The following TNR variants were observed in gnomAD, a reference collection of about 807,000 sequenced individuals.
TNR encodes the protein tenascin-R.
A neutral mutation model predicts 150.4 loss-of-function variants in TNR; 45 were observed. That is an observed-to-expected ratio of 0.30 (90% CI 0.24 to 0.38). The LOEUF is 0.38. TNR is among the 10% of genes least tolerant of loss of function. TNR has a pLI of 1.00. For missense variants in TNR, 1,544 were observed against 1,759.1 expected (o/e 0.88, Z 2.19); for synonymous variants, 687 against 678.4 (o/e 1.01, Z -0.20).
At chr1:175,414,945 A>G (rs182249547) in intron 2 of TNR, among the ~76,000 whole-genome samples, 7 of 150,210 alleles carry the variant, frequency 4.7e-5, no homozygotes, top group Middle Eastern at 3.2e-3. Flanking sequence ...CTCAGGGCAA[A>G]AAAAAAAAAA....
chr1:175,344,720 T>G (rs1283732721), intron 18 of TNR, among the ~76,000 whole-genome samples: 9 of 152,158 alleles, frequency 5.9e-5, no homozygotes, highest in Admixed American at 5.2e-4. Context: ...GCTTAAAATC[T>G]CTAGAAAAAG....
chr1:175,517,272 G>A (rs1193096465), intron 2 of TNR, among the ~76,000 whole-genome samples: 1 of 152,188 alleles, frequency 6.6e-6, no homozygotes, highest in Non-Finnish European at 1.5e-5. Context: ...CTGTGGCTCA[G>A]TGCTGCCTAT....
chr1:175,335,574 G>A (rs1650198287), intron 20 of TNR, 137 bp downstream of exon 20: 2 of 775,548 alleles, frequency 2.6e-6, no homozygotes, highest in East Asian at 2.5e-5. Flanking sequence ...AGAGCAAGAG[G>A]TTCTGAAAGC....
At chr1:175,379,467 T>A (rs1416837001) in intron 9 of TNR, 85 bp downstream of exon 9, 10 of 1,295,586 alleles carry the variant, frequency 7.7e-6, no homozygotes, top group Non-Finnish European at 8.6e-6. Flanking sequence ...TGGCCATGGG[T>A]TTGTAAGATG....
chr1:175,413,464 G>C (rs1654302934), intron 2 of TNR, among the ~76,000 whole-genome samples: 1 of 152,220 alleles, frequency 6.6e-6, no homozygotes, highest in African/African-American at 2.4e-5. Flanking sequence ...CTTGTTCTGG[G>C]ACCCATTCTG....
chr1:175,535,622 G>A (rs892640553), intron 1 of TNR, among the ~76,000 whole-genome samples: 3 of 149,206 alleles, frequency 2.0e-5, no homozygotes, highest in African/African-American at 7.7e-5. Flanking sequence ...CAACATGCCC[G>A]GCTAATTTTT....
At chr1:175,506,808 T>C (rs1452311061) in intron 2 of TNR, among the ~76,000 whole-genome samples, 4 of 152,236 alleles carry the variant, frequency 2.6e-5, no homozygotes, top group Non-Finnish European at 4.4e-5. Flanking sequence ...GGTCCCATTT[T>C]GAGTCATTCA....
At chr1:175,648,320 C>G (rs753563376) in intron 1 of TNR, among the ~76,000 whole-genome samples, 1 of 152,088 alleles carries the variant, frequency 6.6e-6, no homozygotes, top group African/African-American at 2.4e-5. Context: ...TTTTAAAAAA[C>G]GAGCTGCTTT....
intron 8 of TNR, 151 bp from the exon 9 acceptor site, chr1:175,379,888 T>C (rs1461287648): frequency 3.3e-6 from 3 of 896,082 alleles, no homozygotes; most frequent in Non-Finnish European, 5.0e-6. Flanking sequence ...ACCCTTAGCT[T>C]TTTGGTCTGC....
chr1:175,422,555 C>T (rs1057098067), intron 2 of TNR, among the ~76,000 whole-genome samples: 1 of 152,164 alleles, frequency 6.6e-6, no homozygotes, highest in African/African-American at 2.4e-5. Flanking sequence ...GGGCTGGGAC[C>T]CACTGTCATG....
At chr1:175,418,681 G>A (rs1557921612) in intron 2 of TNR, among the ~76,000 whole-genome samples, 1 of 151,836 alleles carries the variant, frequency 6.6e-6, no homozygotes, top group Non-Finnish European at 1.5e-5. Flanking sequence ...CCGAGATTGT[G>A]CCGCTGCACT....
intron 2 of TNR, among the ~76,000 whole-genome samples, chr1:175,506,723 A>G (rs1485536258): frequency 6.6e-6 from 1 of 152,238 alleles, no homozygotes; most frequent in Non-Finnish European, 1.5e-5. Flanking sequence ...GAAGACTCAC[A>G]ATCTGCAATC....
intron 8 of TNR, among the ~76,000 whole-genome samples, chr1:175,380,159 T>G (rs919024364): frequency 6.6e-6 from 1 of 152,106 alleles, no homozygotes; most frequent in African/African-American, 2.4e-5. Context: ...ATTTCAAGGT[T>G]TTGAAGTGTA....
chr1:175,597,242 G>T (rs1251794456), intron 1 of TNR, among the ~76,000 whole-genome samples: 1 of 152,182 alleles, frequency 6.6e-6, no homozygotes, highest in Non-Finnish European at 1.5e-5. Context: ...GTGGTGAGAT[G>T]AGCTGCCCAT....
intron 1 of TNR, among the ~76,000 whole-genome samples, chr1:175,538,148 T>C (rs74127328): frequency 0.055 from 8,444 of 152,158 alleles, 331 homozygotes; most frequent in African/African-American, 0.11. Flanking sequence ...AAGGGGTCCA[T>C]TGGGCTGTGA....
chr1:175,403,363 G>T lies in TNR; in HGVS notation c.753C>A (p.Val251=), dbSNP rs980444072. The change falls in exon 4 of 23, where the codon GTC becomes GTA. Residue 251 remains valine, a synonymous_variant. Coordinates refer to ENST00000367674, the MANE Select transcript of TNR (RefSeq NM_003285.3). Reference sequence around the variant, plus strand: ...CCTCGCCAGTGTAGGGCTCTTCACAGACACACTCCCCGTCCACGCAGAGCC... The same window carrying T: ...CCTCGCCAGTGTAGGGCTCTTCACATACACACTCCCCGTCCACGCAGAGCC... ...SRGLCVDGEC[V]CEEPYTGEDC... is the part of the protein sequence containing the mutation. 6.2e-7 allele frequency: 1 copy of T among 1,614,088 alleles called. No homozygotes were observed. Among genetic ancestry groups the T allele is most frequent in the Admixed American group, 1.7e-5 (1 of 60,010 alleles).
chr1:175,730,311 T>G (rs568270142), intron 1 of TNR, among the ~76,000 whole-genome samples: 93 of 152,290 alleles, frequency 6.1e-4, no homozygotes, highest in African/African-American at 2.2e-3. Flanking sequence ...TTGTGGAACT[T>G]AATAAGATAC....
chr1:175,441,631 CTG>C (rs147552067), intron 2 of TNR, among the ~76,000 whole-genome samples: 7 of 151,272 alleles, frequency 4.6e-5, no homozygotes, highest in East Asian at 1.9e-4. Context: ...ACCAGCACAG[CTG>C]TGTGTGTGTG....
At chr1:175,327,874 G>A (rs1649497535) in intron 21 of TNR, among the ~76,000 whole-genome samples, 1 of 152,280 alleles carries the variant, frequency 6.6e-6, no homozygotes, top group South Asian at 2.1e-4. Context: ...TTGGCAGGCC[G>A]AGGCAGGTGG....
Sources: gnomAD v4.1 joint callset for allele counts (sites outside exome capture counted in the v4.1 genomes callset) on GRCh38, gnomAD v4.1.1 for gene constraint, MANE v1.5 for transcripts, NCBI Gene and HGNC (gene_info 2026-07-23, HGNC 2026-07-21) for gene names.